The following LSP1 variants were observed in gnomAD, a reference collection of about 807,000 sequenced individuals.
LSP1 encodes lymphocyte specific protein 1, also known as lymphocyte-specific protein 1.
A neutral mutation model predicts 49.3 loss-of-function variants in LSP1; 32 were observed. The observed-to-expected ratio is 0.65, with a 90% CI of 0.49 to 0.87. The LOEUF (loss-of-function observed/expected upper bound fraction) is 0.87. Among genes scored for constraint, LSP1 ranks in the 40% least tolerant of loss-of-function variants. The pLI is 0.00. For synonymous variants in LSP1, 179 were observed against 178.8 expected (o/e 1.00, Z -0.01); for missense variants, 428 against 442.6 (o/e 0.97, Z 0.30).
At position 1,866,582 on chromosome 11, in the gene LSP1, C is replaced by G. The variant is rs750992011; in HGVS notation, c.53+13385C>G. The G allele has an allele frequency of 3.9e-6, 6 of 1,549,332 alleles. No homozygotes were observed. In the Admixed American group the frequency reaches 5.9e-5, roughly 15 times the overall value. On this transcript the variant is annotated intron_variant, in intron 1 of 10. Coordinates refer to ENST00000311604, the MANE Select transcript of LSP1 (RefSeq NM_002339.3). ...CCTGGCTGGGCACACCTCATCCCAG[C>G]CTCCCCCTACCCCTGGCCCCCCATA...
intron 1 of LSP1, chr11:1,869,068 C>T: frequency 1.1e-6 from 1 of 935,892 alleles, no homozygotes; most frequent in Non-Finnish European, 1.3e-6. Flanking sequence ...GGAGAGAAGC[C>T]CTTGGGTGAC....
intron 2 of LSP1, 123 bp downstream of exon 2, chr11:1,880,347 G>C (rs922438967): frequency 2.4e-6 from 3 of 1,227,074 alleles, no homozygotes; most frequent in African/African-American, 3.1e-5. Flanking sequence ...AGCGAGGAAG[G>C]GCCCCCAGGA....
At chr11:1,882,421 G>T (rs572561134) in intron 3 of LSP1, among the ~76,000 whole-genome samples, 1 of 152,166 alleles carries the variant, frequency 6.6e-6, no homozygotes, top group African/African-American at 2.4e-5. Context: ...GCTGAGCGAC[G>T]CTCCCTTGTC....
At position 1,886,835 on chromosome 11, in the gene LSP1, C is replaced by T. The variant is rs1848772878; in HGVS notation, c.821C>T (p.Ala274Val). 2 of 1,611,618 alleles carry T rather than the reference C, an allele frequency of 1.2e-6. No homozygotes were observed. Among genetic ancestry groups the T allele is most frequent in the Non-Finnish European group, 8.5e-7 (1 of 1,179,792 alleles). The change falls in exon 8 of 11, where the codon GCT becomes GTT. Residue 274 changes from alanine to valine, a missense_variant. Coordinates refer to ENST00000311604, the MANE Select transcript of LSP1 (RefSeq NM_002339.3). ...CGGTGGGAGACGGGTGAGGTACAGG[C>T]TCAGTCTGCGGCCAAGACTCCGTCC... ...KSRWETGEVQ[A>V]QSAAKTPSCK...
chr11:1,863,770 G>T (rs1391817554), intron 1 of LSP1, among the ~76,000 whole-genome samples: 2 of 152,216 alleles, frequency 1.3e-5, no homozygotes, highest in African/African-American at 4.8e-5. Flanking sequence ...GGCAAGGGGG[G>T]CCTGGCTGGC....
rs1848688947 is a variant in LSP1, at chr11:1,884,783, C to T, written c.717+202C>T. Among the ~76,000 whole-genome samples, 1 of 151,392 alleles carries T rather than the reference C, an allele frequency of 6.6e-6. No homozygotes were observed. Among genetic ancestry groups the T allele is most frequent in the South Asian group, 2.1e-4 (1 of 4,790 alleles). On this transcript the variant is annotated intron_variant, in intron 7 of 10. Transcript: ENST00000311604. The surrounding 1 kb of genome is among the most constrained non-coding windows in gnomAD (Gnocchi z 4.1). ...CAATGTCACTCCATGTAATCAATGC[C>T]CCCCCTTTCAATCAATGCTACTCCA...
chr11:1,883,238 C>T (rs1253415909), intron 3 of LSP1, among the ~76,000 whole-genome samples, 181 bp from the exon 4 acceptor site: 3 of 152,388 alleles, frequency 2.0e-5, no homozygotes, highest in East Asian at 1.9e-4. Flanking sequence ...AAGCAGACTG[C>T]GCTGGCTCTG....
At chr11:1,890,664 G>A in intron 10 of LSP1, 1 of 644,340 alleles carries the variant, frequency 1.6e-6, no homozygotes. Context: ...GTCTCCTGTG[G>A]TCCAAGGAGG....
chr11:1,870,574 A>G, intron 1 of LSP1: 1 of 1,134,886 alleles, frequency 8.8e-7, no homozygotes, highest in East Asian at 6.6e-5. Context: ...CGGTAGGAAG[A>G]TCCCGGTGCT....
chr11:1,885,277 G>A (rs1422771647), intron 7 of LSP1, among the ~76,000 whole-genome samples: 15 of 151,206 alleles, frequency 9.9e-5, no homozygotes, highest in African/African-American at 3.7e-4. Flanking sequence ...AGTCCCACAT[G>A]CCAGCCCCTC....
intron 1 of LSP1, among the ~76,000 whole-genome samples, chr11:1,864,952 G>C (rs1207689654): frequency 6.6e-6 from 1 of 152,066 alleles, no homozygotes; most frequent in Non-Finnish European, 1.5e-5. Flanking sequence ...GAGAACACCA[G>C]ACAGAGAGAA....
chr11:1,870,964 C>T (rs564471767), intron 1 of LSP1: 4 of 985,862 alleles, frequency 4.1e-6, no homozygotes, highest in East Asian at 1.1e-4. Flanking sequence ...GCCGGGCTGT[C>T]GGTGGACCTG....
intron 1 of LSP1, among the ~76,000 whole-genome samples, chr11:1,853,942 T>C (rs2133049634): frequency 6.6e-6 from 1 of 151,880 alleles, no homozygotes; most frequent in Middle Eastern, 3.4e-3. Context: ...CTGGGGTGGG[T>C]GGAGAGGGCT....
chr11:1,866,418 C>T, intron 1 of LSP1: 1 of 1,427,662 alleles, frequency 7.0e-7, no homozygotes. Flanking sequence ...TTGAGGGCAG[C>T]CCGGCTCACC....
chr11:1,865,517 C>A (rs565969634), intron 1 of LSP1, among the ~76,000 whole-genome samples: 2 of 151,426 alleles, frequency 1.3e-5, no homozygotes, highest in Non-Finnish European at 1.5e-5. Context: ...CTGCCGGCTG[C>A]GCTGTCGCCT....
chr11:1,889,234 G>T, intron 10 of LSP1: 2 of 674,656 alleles, frequency 3.0e-6, no homozygotes. Flanking sequence ...GGAGGGGGCC[G>T]GGTGGCCTCC....
At chr11:1,889,254 C>T (rs531859981) in intron 10 of LSP1, 23 of 676,384 alleles carry the variant, frequency 3.4e-5, no homozygotes, top group East Asian at 1.1e-4. Flanking sequence ...CTGCAGCTTC[C>T]GGGCGTTGAA....
At chr11:1,879,014 C>A (rs1475599149) in intron 1 of LSP1, among the ~76,000 whole-genome samples, 1 of 152,138 alleles carries the variant, frequency 6.6e-6, no homozygotes, top group African/African-American at 2.4e-5. Context: ...GCTCTGAGGG[C>A]AGAAGCACTC....
At chr11:1,861,712 T>C (rs1847636564) in intron 1 of LSP1, among the ~76,000 whole-genome samples, 1 of 150,078 alleles carries the variant, frequency 6.7e-6, no homozygotes. Flanking sequence ...GATGGATGGA[T>C]GGATGGATGG....
Sources: allele counts gnomAD v4.1 joint callset (sites outside exome capture counted in the v4.1 genomes callset), GRCh38; gene constraint gnomAD v4.1.1; non-coding constraint Gnocchi (gnomAD v3.1); transcripts MANE v1.5; gene names NCBI Gene and HGNC (gene_info 2026-07-23, HGNC 2026-07-21).